Variants in PARD3 observed in about 807,000 individuals in gnomAD.
PARD3 encodes par-3 family cell polarity regulator, also known as partitioning defective 3 homolog.
In PARD3, 75 loss-of-function variants were observed where a neutral mutation model predicts 155.4. The ratio of observed to expected loss-of-function variants is 0.48; its 90% CI spans 0.40 to 0.58. PARD3 has a LOEUF of 0.58. Among genes scored for constraint, PARD3 ranks in the 20% least tolerant of loss-of-function variants. The probability of loss-of-function intolerance (pLI) is 0.00; values close to 1 mark genes in which losing one functional copy is unlikely to be tolerated. For missense variants in PARD3, 1,642 were observed against 1,721.7 expected (o/e 0.95, Z 0.82); for synonymous variants, 576 against 610.5 (o/e 0.94, Z 0.83).
intron 1 of PARD3, among the ~76,000 whole-genome samples, chr10:34,771,590 C>A (rs1409870583): frequency 1.3e-5 from 2 of 152,334 alleles, no homozygotes; most frequent in East Asian, 3.9e-4. Context: ...GTCAGCCCGA[C>A]CTAGTCTTAC....
intron 18 of PARD3, among the ~76,000 whole-genome samples, chr10:34,333,691 G>A (rs1396162677): frequency 6.6e-6 from 1 of 152,080 alleles, no homozygotes; most frequent in East Asian, 1.9e-4. Flanking sequence ...CCATGCCCAT[G>A]TATTTACATA....
intron 5 of PARD3, among the ~76,000 whole-genome samples, chr10:34,426,421 G>A (rs1657226): frequency 0.72 from 109,686 of 151,562 alleles, 40,683 homozygotes; most frequent in African/African-American, 0.89. Context: ...CTTACTTCAC[G>A]CTAAAATGTC....
intron 12 of PARD3, among the ~76,000 whole-genome samples, chr10:34,369,297 GTGAT>G (rs1261250910): frequency 1.8e-4 from 25 of 142,374 alleles, no homozygotes; most frequent in South Asian, 6.4e-4. Context: ...TGAGATTTTT[GTGAT>G]TTATTTATTT....
chr10:34,520,296 A>G (rs1198018879), intron 2 of PARD3, among the ~76,000 whole-genome samples: 1 of 152,226 alleles, frequency 6.6e-6, no homozygotes, highest in Non-Finnish European at 1.5e-5. Context: ...TCAGCTGATT[A>G]AACAATCTGG....
In PARD3 at chr10:34,134,456, C is replaced by T. The variant is rs115619267; in HGVS notation, c.3420-2873G>A. Reference sequence around the variant, plus strand: ...ATGAAGTTGAAACCATTGATAAAAACTGACCTCCTACTATTTGCAATTCAC... The same window carrying T: ...ATGAAGTTGAAACCATTGATAAAAATTGACCTCCTACTATTTGCAATTCAC... On this transcript the variant is annotated intron_variant, in intron 22 of 24. Transcript: ENST00000374788. 1.0e-3 allele frequency among the ~76,000 whole-genome samples: 156 copies of T among 152,332 alleles called. 1 individual carries two copies. Among genetic ancestry groups the T allele is most frequent in the African/African-American group, 3.5e-3 (144 of 41,572 alleles).
intron 20 of PARD3, among the ~76,000 whole-genome samples, chr10:34,299,034 A>C (rs543890603): frequency 6.6e-6 from 1 of 152,310 alleles, no homozygotes; most frequent in East Asian, 1.9e-4. Flanking sequence ...AGAAAATAAT[A>C]CATCCTTTGT....
intron 22 of PARD3, among the ~76,000 whole-genome samples, chr10:34,257,376 T>A (rs1205591115): frequency 6.6e-6 from 1 of 152,126 alleles, no homozygotes; most frequent in Non-Finnish European, 1.5e-5. Flanking sequence ...AAGCCATGGG[T>A]TTGTACTGTC....
At chr10:34,347,913 C>G in intron 15 of PARD3, 52 bp downstream of exon 15, 2 of 1,487,032 alleles carry the variant, frequency 1.3e-6, no homozygotes. Flanking sequence ...TCTCAGTAAA[C>G]CAATGAAAGC....
intron 1 of PARD3, among the ~76,000 whole-genome samples, chr10:34,718,415 T>C (rs1431039499): frequency 6.6e-6 from 1 of 152,026 alleles, no homozygotes; most frequent in African/African-American, 2.4e-5. Flanking sequence ...ATCCCAGCAC[T>C]GTGGGAGGCC....
At chr10:34,222,325 C>A (rs937651558) in intron 22 of PARD3, among the ~76,000 whole-genome samples, 1 of 152,164 alleles carries the variant, frequency 6.6e-6, no homozygotes, top group Non-Finnish European at 1.5e-5. Flanking sequence ...CAGTCTTTGT[C>A]CCTGGAGTGG....
At chr10:34,384,768 C>T (rs1842182016) in intron 7 of PARD3, among the ~76,000 whole-genome samples, 1 of 152,194 alleles carries the variant, frequency 6.6e-6, no homozygotes, top group Non-Finnish European at 1.5e-5. Context: ...AGTTTCCATG[C>T]TTTGCATTTG....
chr10:34,694,790 A>G (rs1381508435), intron 2 of PARD3, among the ~76,000 whole-genome samples: 2 of 152,176 alleles, frequency 1.3e-5, no homozygotes, highest in Non-Finnish European at 2.9e-5. Context: ...TTTATACACT[A>G]TTTGGTATTT....
At chr10:34,773,515 A>C (rs140694785) in intron 1 of PARD3, among the ~76,000 whole-genome samples, 2 of 152,360 alleles carry the variant, frequency 1.3e-5, no homozygotes, top group African/African-American at 4.8e-5. Flanking sequence ...ACATTTTTGT[A>C]GATCTTGATA....
intron 5 of PARD3, among the ~76,000 whole-genome samples, chr10:34,415,947 G>T (rs1416377364): frequency 3.3e-5 from 5 of 152,298 alleles, no homozygotes; most frequent in Non-Finnish European, 5.9e-5. Context: ...AGGACAGAAG[G>T]CATTAACTGA....
intron 3 of PARD3, among the ~76,000 whole-genome samples, chr10:34,478,579 C>A (rs773997): frequency 0.51 from 78,026 of 152,054 alleles, 23,662 homozygotes; most frequent in African/African-American, 0.86. Context: ...GTTTCACTCT[C>A]GTTGCCCAGG....
At chr10:34,241,843 T>C (rs1953618919) in intron 22 of PARD3, among the ~76,000 whole-genome samples, 1 of 152,208 alleles carries the variant, frequency 6.6e-6, no homozygotes, top group Admixed American at 6.5e-5. Flanking sequence ...GCGTCATCAG[T>C]ACTTCAACAC....
chr10:34,701,101 G>A (rs1190484228), intron 1 of PARD3, among the ~76,000 whole-genome samples: 1 of 152,116 alleles, frequency 6.6e-6, no homozygotes, highest in African/African-American at 2.4e-5. Flanking sequence ...ACTCTCACTT[G>A]GAAAGGTCTT....
intron 1 of PARD3, among the ~76,000 whole-genome samples, chr10:34,783,566 T>C (rs2134186582): frequency 7.7e-6 from 1 of 129,328 alleles, no homozygotes; most frequent in South Asian, 2.4e-4. Flanking sequence ...ATCACGCCAC[T>C]GTGCTCCAGC....
chr10:34,134,463 CCTA>C (rs1947785911), intron 22 of PARD3, among the ~76,000 whole-genome samples: 1 of 152,212 alleles, frequency 6.6e-6, no homozygotes, highest in Admixed American at 6.5e-5. Flanking sequence ...AAACTGACCT[CCTA>C]CTATTTGCAA....
Sources: gnomAD v4.1 joint callset for allele counts (sites outside exome capture counted in the v4.1 genomes callset) on GRCh38, gnomAD v4.1.1 for gene constraint, MANE v1.5 for transcripts, NCBI Gene and HGNC (gene_info 2026-07-23, HGNC 2026-07-21) for gene names.